Variants in PAPPA2 observed in about 807,000 individuals in gnomAD.
PAPPA2 encodes the protein pappalysin 2.
Under a neutral mutation model 176.4 loss-of-function variants are expected in PAPPA2, and 86 were observed. The observed-to-expected ratio is 0.49, with a 90% confidence interval of 0.41 to 0.58. The LOEUF (loss-of-function observed/expected upper bound fraction) is 0.58. Ranked by LOEUF, PAPPA2 falls within the 20% of genes least tolerant of loss-of-function variation. The pLI, the probability that PAPPA2 is intolerant of heterozygous loss-of-function variation, is 0.00. For synonymous variants in PAPPA2, 809 were observed against 852.2 expected (o/e 0.95, Z 0.88); for missense variants, 2,073 against 2,256.9 (o/e 0.92, Z 1.65).
At chr1:176,687,113 G>T (rs1484726323) in intron 4 of PAPPA2, among the ~76,000 whole-genome samples, 1 of 152,190 alleles carries the variant, frequency 6.6e-6, no homozygotes, top group Non-Finnish European at 1.5e-5. Flanking sequence ...TAACACACAT[G>T]TAGTTACTGA....
chr1:176,695,401 T>C (rs1232598703), intron 6 of PAPPA2, among the ~76,000 whole-genome samples: 1 of 152,214 alleles, frequency 6.6e-6, no homozygotes. Flanking sequence ...AGAGTCAATG[T>C]AGAAGGGAGT....
intron 11 of PAPPA2, among the ~76,000 whole-genome samples, 153 bp downstream of exon 11, chr1:176,710,329 A>G (rs902550698): frequency 1.3e-5 from 2 of 152,180 alleles, no homozygotes; most frequent in Non-Finnish European, 2.9e-5. Context: ...CAGCATTGCT[A>G]TTACAATTAC....
At chr1:176,839,472 C>T (rs888455586) in intron 21 of PAPPA2, among the ~76,000 whole-genome samples, 17 of 152,146 alleles carry the variant, frequency 1.1e-4, no homozygotes, top group Non-Finnish European at 2.5e-4. Flanking sequence ...TCTGCTCTAA[C>T]CCTGTATCTA....
Position 176,556,634 on chromosome 1 carries a change from G to C in PAPPA2, c.312G>C (p.Val104=), listed in dbSNP as rs767096380. The change falls in exon 2 of 23, where the codon GTG becomes GTC. Residue 104 remains valine, a synonymous_variant. Coordinates refer to ENST00000367662, the MANE Select transcript of PAPPA2 (RefSeq NM_020318.3). ...RSKPDTEGNA[V]SLVPPDLTEN... is the part of the protein sequence containing the mutation. ...AACCAGACACTGAAGGAAATGCTGTGAGCCTTGTTCCCCCAGACCTGACTG... is the reference window on the plus strand; with the variant it reads ...AACCAGACACTGAAGGAAATGCTGTCAGCCTTGTTCCCCCAGACCTGACTG... The C allele has an allele frequency of 1.9e-6, 3 of 1,614,064 alleles. No homozygotes were observed. The highest frequency in any genetic ancestry group is 1.3e-5 in the African/African-American group (1 of 74,918).
At chr1:176,615,603 AG>A (rs1655160412) in intron 3 of PAPPA2, among the ~76,000 whole-genome samples, 1 of 152,178 alleles carries the variant, frequency 6.6e-6, no homozygotes, top group Non-Finnish European at 1.5e-5. Context: ...TTGGGATTAC[AG>A]GCGTCAGCCA....
At chr1:176,617,793 T>G (rs939749066) in intron 3 of PAPPA2, among the ~76,000 whole-genome samples, 7 of 152,236 alleles carry the variant, frequency 4.6e-5, no homozygotes, top group African/African-American at 1.2e-4. Context: ...TTGTCTTTTT[T>G]GGGGTAGGTA....
At chr1:176,826,413 T>C (rs1357964425) in intron 21 of PAPPA2, among the ~76,000 whole-genome samples, 16 of 152,166 alleles carry the variant, frequency 1.1e-4, no homozygotes. Flanking sequence ...ATGAGTGGAT[T>C]AGATACACAG....
At chr1:176,767,529 G>A (rs745476440) in intron 15 of PAPPA2, among the ~76,000 whole-genome samples, 3 of 152,112 alleles carry the variant, frequency 2.0e-5, no homozygotes, top group Non-Finnish European at 4.4e-5. Context: ...TGTATTTTTA[G>A]TAGAGACGGG....
intron 1 of PAPPA2, among the ~76,000 whole-genome samples, chr1:176,479,974 A>C (rs993003401): frequency 6.6e-6 from 1 of 152,374 alleles, no homozygotes; most frequent in South Asian, 2.1e-4. Flanking sequence ...AGAAATACAC[A>C]GGGAAGTGTC....
intron 1 of PAPPA2, among the ~76,000 whole-genome samples, chr1:176,505,431 G>C (rs1648202406): frequency 6.6e-6 from 1 of 152,138 alleles, no homozygotes; most frequent in South Asian, 2.1e-4. Flanking sequence ...TTGGAAAACA[G>C]GCAGCACAGG....
chr1:176,812,950 GC>G (rs916115581), intron 21 of PAPPA2, among the ~76,000 whole-genome samples: 2 of 151,388 alleles, frequency 1.3e-5, no homozygotes, highest in African/African-American at 2.4e-5. Context: ...CAACCAACCT[GC>G]CCCGACATGC....
intron 3 of PAPPA2, among the ~76,000 whole-genome samples, chr1:176,615,379 C>T (rs1318840218): frequency 6.6e-6 from 1 of 152,224 alleles, no homozygotes; most frequent in Non-Finnish European, 1.5e-5. Flanking sequence ...GGCGCCATCT[C>T]GGCTCGCTGC....
At position 176,654,115 on chromosome 1, in the gene PAPPA2, T is replaced by G. The variant is rs567878566; in HGVS notation, c.1992-16855T>G. The stretch of plus-strand genomic sequence containing the variant: ...CCTGTGCTTTTGAGATCATAGTCAT[T>G]CATAATCATTGCCTAGATCAACATC... On this transcript the variant is annotated intron_variant, in intron 3 of 22. Coordinates refer to ENST00000367662, the MANE Select transcript of PAPPA2 (RefSeq NM_020318.3). 5.9e-5 allele frequency among the ~76,000 whole-genome samples: 9 copies of G among 151,844 alleles called. No homozygotes were observed. The South Asian group carries it at 1.9e-3, about 31-fold the overall frequency.
intron 1 of PAPPA2, among the ~76,000 whole-genome samples, chr1:176,550,252 T>C (rs532426543): frequency 4.6e-4 from 70 of 152,356 alleles, no homozygotes; most frequent in African/African-American, 1.5e-3. Flanking sequence ...TAACACTTGC[T>C]TTGCATTCAC....
intron 3 of PAPPA2, 104 bp downstream of exon 3, chr1:176,595,699 A>G: frequency 8.9e-7 from 1 of 1,120,512 alleles, no homozygotes; most frequent in South Asian, 1.6e-5. Context: ...TCCCTGAATA[A>G]GACATTAATC....
chr1:176,695,979 TGTGTGTGTGTGTGTGTGTG>T, intron 7 of PAPPA2, 120 bp downstream of exon 7: 1 of 645,096 alleles, frequency 1.6e-6, no homozygotes, highest in Non-Finnish European at 2.2e-6. Context: ...TGTGTGTGTG[TGTGTGTGTGTGTGTGTGTG>T]TGTGTGTGTT....
chr1:176,750,560 G>T (rs769435430), intron 14 of PAPPA2, among the ~76,000 whole-genome samples: 1 of 151,940 alleles, frequency 6.6e-6, no homozygotes, highest in African/African-American at 2.4e-5. Context: ...AACCGAGATC[G>T]CACCACTGCA....
intron 20 of PAPPA2, among the ~76,000 whole-genome samples, chr1:176,799,809 A>G (rs1431972972): frequency 6.6e-6 from 1 of 152,186 alleles, no homozygotes; most frequent in Non-Finnish European, 1.5e-5. Flanking sequence ...AAATTTCGGT[A>G]TCTTGGGAAA....
At chr1:176,695,667 T>A in intron 6 of PAPPA2, 71 bp from the exon 7 acceptor site, 17 of 1,552,020 alleles carry the variant, frequency 1.1e-5, no homozygotes, top group Non-Finnish European at 1.4e-5. Context: ...CAAAGGTCTT[T>A]CTAATTTTCT....
Sources: allele counts gnomAD v4.1 joint callset (sites outside exome capture counted in the v4.1 genomes callset), GRCh38; gene constraint gnomAD v4.1.1; transcripts MANE v1.5; gene names NCBI Gene and HGNC (gene_info 2026-07-23, HGNC 2026-07-21).